PLEKHA7: variants seen among roughly 807,000 people sequenced by gnomAD.
PLEKHA7 encodes the protein pleckstrin homology domain-containing family A member 7.
PLEKHA7 carries 104 observed loss-of-function variants against 170.0 expected under a neutral mutation model. That is an observed-to-expected ratio of 0.61 (90% CI 0.52 to 0.72). The LOEUF (loss-of-function observed/expected upper bound fraction) is 0.72, where lower values mean the gene tolerates loss of function less well. Ranked by LOEUF, PLEKHA7 falls within the 30% of genes least tolerant of loss-of-function variation. The pLI is 0.00. For synonymous variants in PLEKHA7, 648 were observed against 660.8 expected (o/e 0.98, Z 0.30); for missense variants, 1,615 against 1,671.7 (o/e 0.97, Z 0.59).
chr11:16,907,013 C>T (rs1488676785), intron 3 of PLEKHA7, among the ~76,000 whole-genome samples: 4 of 149,050 alleles, frequency 2.7e-5, no homozygotes, highest in Non-Finnish European at 4.4e-5. Context: ...GCCTGGCAAC[C>T]GCCCCGTCTG....
At chr11:16,954,467 A>C (rs188668807) in intron 3 of PLEKHA7, among the ~76,000 whole-genome samples, 1 of 152,100 alleles carries the variant, frequency 6.6e-6, no homozygotes, top group Non-Finnish European at 1.5e-5. Context: ...CCAGGAGTTC[A>C]AGGTTATAGT....
At chr11:16,932,653 A>G (rs1488213931) in intron 3 of PLEKHA7, among the ~76,000 whole-genome samples, 1 of 152,246 alleles carries the variant, frequency 6.6e-6, no homozygotes, top group African/African-American at 2.4e-5. Context: ...TAGATGTAGT[A>G]GTGACAGAAG....
Position 16,871,129 on chromosome 11 carries a change from G to A in PLEKHA7, c.275C>T (p.Pro92Leu), listed in dbSNP as rs189769944. 25 of 1,607,320 alleles carry A rather than the reference G, an allele frequency of 1.6e-5. No homozygotes were observed. In the East Asian group the frequency reaches 5.1e-4, roughly 33 times the overall value. The change falls in exon 4 of 27, where the codon CCA (proline) becomes CTA (leucine). Residue 92 changes from proline (P) to leucine (L), a missense_variant. Physicochemically the swap from Pro to Leu is moderately conservative, Grantham distance 98 (BLOSUM62 -3). Transcript: ENST00000531066. The part of the protein sequence containing the change: ...FRHPVTGQFS[P>L]ENSEFILQEE... ...TTGAAGAATGAATTCACTATTTTCT[G>A]GAGAAAACTGTCCCGTCACAGGATG...
chr11:16,858,239 G>A (rs1853634428), intron 4 of PLEKHA7, among the ~76,000 whole-genome samples: 1 of 150,932 alleles, frequency 6.6e-6, no homozygotes, highest in South Asian at 2.1e-4. Context: ...AGGGTGTTTT[G>A]TTTACATATG....
intron 3 of PLEKHA7, among the ~76,000 whole-genome samples, chr11:16,879,973 G>A (rs1283958535): frequency 2.0e-5 from 3 of 152,218 alleles, no homozygotes. Context: ...TGAATAGAAA[G>A]TTTTAATTTT....
In PLEKHA7 at chr11:16,791,763, A is replaced by T. The variant is rs1847873831; in HGVS notation, c.2746-564T>A. 1 of 436,878 alleles carries T rather than the reference A, an allele frequency of 2.3e-6. No homozygotes were observed. The allele number at this position is 436,878 out of a possible 1,614,324, so 27.1% of individuals were successfully genotyped here. A position where few individuals can be genotyped will look rare whatever the true frequency, so the allele number is the denominator to read the frequency against. ...CAAAATATTTCCTCCTTCCTGACTC[A>T]GACAGAACAGGCGGTCAGGATGAGT... is the stretch of plus-strand genomic sequence containing the variant. On this transcript the variant is annotated intron_variant, in intron 19 of 26. Coordinates refer to ENST00000531066, the MANE Select transcript of PLEKHA7 (RefSeq NM_001329630.2). The surrounding 1 kb of genome is among the most constrained non-coding windows in gnomAD (Gnocchi z 4.5).
chr11:16,919,917 T>C (rs1489379153), intron 3 of PLEKHA7, among the ~76,000 whole-genome samples: 1 of 152,222 alleles, frequency 6.6e-6, no homozygotes, highest in Non-Finnish European at 1.5e-5. Flanking sequence ...GACTTTGAGC[T>C]TCCCTTCTCT....
chr11:16,816,933 G>C lies in PLEKHA7; in HGVS notation c.1733C>G (p.Pro578Arg), dbSNP rs1342758243. Reference sequence around the variant, plus strand: ...CCGCCGGGGTGGGAAGACCCTTGGGGGTCCTGGGGGAGGGATGTCCGAGGG... The same window carrying C: ...CCGCCGGGGTGGGAAGACCCTTGGGCGTCCTGGGGGAGGGATGTCCGAGGG... ...PSPSDIPPPG[P>R]PRVFPPRRPH... The change falls in exon 11 of 27, where the codon CCC becomes CGC. Residue 578 changes from proline (P) to arginine (R), a missense_variant. Coordinates refer to ENST00000531066, the MANE Select transcript of PLEKHA7 (RefSeq NM_001329630.2). 1.9e-6 allele frequency: 3 copies of C among 1,613,598 alleles called. No homozygotes were observed. The highest frequency in any genetic ancestry group is 3.3e-5 in the Admixed American group (2 of 59,954).
chr11:16,882,135 T>C (rs1855760530), intron 3 of PLEKHA7, among the ~76,000 whole-genome samples: 1 of 152,196 alleles, frequency 6.6e-6, no homozygotes, highest in African/African-American at 2.4e-5. Flanking sequence ...CTTAGCATAG[T>C]GCCTGGCACA....
chr11:16,928,300 A>G (rs996711352), intron 3 of PLEKHA7, among the ~76,000 whole-genome samples: 23 of 152,226 alleles, frequency 1.5e-4, no homozygotes, highest in African/African-American at 5.3e-4. Flanking sequence ...ACGGAGTGAG[A>G]CTTTGTCTCA....
At chr11:16,930,056 G>A (rs1859822632) in intron 3 of PLEKHA7, among the ~76,000 whole-genome samples, 1 of 152,104 alleles carries the variant, frequency 6.6e-6, no homozygotes, top group African/African-American at 2.4e-5. Context: ...ATATTTTGGG[G>A]AGCAGGGAGC....
intron 25 of PLEKHA7, among the ~76,000 whole-genome samples, chr11:16,783,475 C>G (rs1040353943): frequency 6.6e-6 from 1 of 152,228 alleles, no homozygotes; most frequent in African/African-American, 2.4e-5. Context: ...CAGCCCAGGA[C>G]AAGAAGCCTC....
rs58419766 is a variant in PLEKHA7 at position 17,002,409 on chromosome 11, GA to G, written c.221+11579del. 4.8e-3 allele frequency among the ~76,000 whole-genome samples: 662 copies of G among 136,930 alleles called. 5 individuals carry two copies. The highest frequency in any genetic ancestry group is 0.015 in the African/African-American group (576 of 37,330). 89.8% of individuals were successfully genotyped at this position (136,930 alleles called of 152,430 possible). On this transcript the variant is annotated intron_variant, in intron 3 of 26. Transcript: ENST00000531066. ...ACAGAACAAAACCTCAACACTTAAA[GA>G]AAAAAAAAAAAGGAACAGAAAGAGT...
At chr11:16,936,517 C>T (rs1450077538) in intron 3 of PLEKHA7, among the ~76,000 whole-genome samples, 1 of 150,668 alleles carries the variant, frequency 6.6e-6, no homozygotes, top group Non-Finnish European at 1.5e-5. Context: ...ATCAAATGTA[C>T]TTCCTGGCAT....
At chr11:16,931,635 G>A (rs375214648) in intron 3 of PLEKHA7, among the ~76,000 whole-genome samples, 2 of 151,764 alleles carry the variant, frequency 1.3e-5, no homozygotes, top group Non-Finnish European at 2.9e-5. Context: ...ATGGTGGCGC[G>A]CCTGTAATCC....
chr11:16,865,378 CAG>C (rs1207867828), intron 4 of PLEKHA7, among the ~76,000 whole-genome samples: 1 of 152,186 alleles, frequency 6.6e-6, no homozygotes. Context: ...CTAGTCCCCT[CAG>C]GGGGTGTAAC....
chr11:16,949,051 A>T (rs1309922492), intron 3 of PLEKHA7, among the ~76,000 whole-genome samples: 3 of 151,998 alleles, frequency 2.0e-5, no homozygotes, highest in Non-Finnish European at 4.4e-5. Flanking sequence ...CACTCCATAC[A>T]CTGGATTTCT....
intron 3 of PLEKHA7, among the ~76,000 whole-genome samples, chr11:16,880,500 T>C (rs537414469): frequency 6.6e-6 from 1 of 152,108 alleles, no homozygotes; most frequent in Non-Finnish European, 1.5e-5. Flanking sequence ...TCCAATAGAG[T>C]TGTTTTGCCT....
intron 3 of PLEKHA7, among the ~76,000 whole-genome samples, chr11:16,897,397 TACCTC>T (rs1250475636): frequency 4.2e-4 from 64 of 152,228 alleles, no homozygotes; most frequent in African/African-American, 1.5e-3. Context: ...TTCCTTCCTA[TACCTC>T]AATCATATAG....
Sources: gnomAD v4.1 joint callset for allele counts (sites outside exome capture counted in the v4.1 genomes callset) on GRCh38, gnomAD v4.1.1 for gene constraint, Gnocchi (gnomAD v3.1) non-coding constraint, MANE v1.5 for transcripts, NCBI Gene and HGNC (gene_info 2026-07-23, HGNC 2026-07-21) for gene names.